The following HS3ST4 variants were observed in gnomAD, a reference collection of about 807,000 sequenced individuals.
HS3ST4 encodes heparan sulfate glucosamine 3-O-sulfotransferase 4.
HS3ST4 carries 17 observed loss-of-function variants against 29.2 expected under a neutral mutation model. The ratio of observed to expected loss-of-function variants is 0.58; its 90% CI spans 0.40 to 0.87. HS3ST4 has a LOEUF of 0.87. HS3ST4 is among the 40% of genes least tolerant of loss of function. The pLI, the probability that HS3ST4 is intolerant of heterozygous loss-of-function variation, is 0.00. For synonymous variants in HS3ST4, 314 were observed against 285.7 expected (o/e 1.10, Z -1.00); for missense variants, 627 against 634.5 (o/e 0.99, Z 0.13).
chr16:26,082,647 A>G (rs930720571), intron 1 of HS3ST4, among the ~76,000 whole-genome samples: 1 of 152,192 alleles, frequency 6.6e-6, no homozygotes, highest in African/African-American at 2.4e-5. Flanking sequence ...TGTTTAAATC[A>G]ATTAAAAATG....
chr16:25,926,426 G>A (rs1968403510), intron 1 of HS3ST4, among the ~76,000 whole-genome samples: 1 of 152,236 alleles, frequency 6.6e-6, no homozygotes, highest in South Asian at 2.1e-4. Context: ...CCTTGTTACT[G>A]TGGAGACCTC....
At chr16:26,018,435 C>T (rs1447982569) in intron 1 of HS3ST4, among the ~76,000 whole-genome samples, 6 of 152,244 alleles carry the variant, frequency 3.9e-5, no homozygotes, top group South Asian at 2.1e-4. Flanking sequence ...AGTCATGCAA[C>T]GAACATTTTT....
At chr16:26,062,087 G>C (rs1156251371) in intron 1 of HS3ST4, among the ~76,000 whole-genome samples, 1 of 152,096 alleles carries the variant, frequency 6.6e-6, no homozygotes, top group Non-Finnish European at 1.5e-5. Context: ...AAGTATGTGG[G>C]CTAAAAATGG....
chr16:25,814,754 G>A (rs927720240), intron 1 of HS3ST4, among the ~76,000 whole-genome samples: 4 of 152,170 alleles, frequency 2.6e-5, no homozygotes, highest in Non-Finnish European at 5.9e-5. Flanking sequence ...AACCACCATG[G>A]TACCCCATCT....
intron 1 of HS3ST4, among the ~76,000 whole-genome samples, chr16:25,770,266 CAT>C (rs1417135316): frequency 2.0e-5 from 3 of 152,100 alleles, no homozygotes; most frequent in Non-Finnish European, 4.4e-5. Flanking sequence ...AGAAAGAAAA[CAT>C]ATTCTCCTTT....
In HS3ST4 at chr16:25,840,219, C is replaced by A. The variant is rs138771473; in HGVS notation, c.734+147068C>A. Among the ~76,000 whole-genome samples the A allele has an allele frequency of 5.4e-3, 827 of 152,284 alleles. 12 individuals carry two copies. The highest frequency in any genetic ancestry group is 0.019 in the African/African-American group (785 of 41,548). ...TTCCTGTCGACAATTTTCCTTAAAT[C>A]TCTTTGACATAAATGTCCCAAAAAT... On this transcript the variant is annotated intron_variant, in intron 1 of 1. Transcript: ENST00000331351.
intron 1 of HS3ST4, among the ~76,000 whole-genome samples, chr16:25,835,564 C>T (rs751954337): frequency 2.1e-4 from 32 of 152,076 alleles, no homozygotes; most frequent in Non-Finnish European, 3.7e-4. Flanking sequence ...GAGAAAAATG[C>T]TTTACATGCA....
At chr16:26,030,809 G>T (rs1013364342) in intron 1 of HS3ST4, among the ~76,000 whole-genome samples, 3 of 152,176 alleles carry the variant, frequency 2.0e-5, no homozygotes, top group Non-Finnish European at 4.4e-5. Flanking sequence ...TACAAGCTAT[G>T]TCAGATTCCA....
intron 1 of HS3ST4, among the ~76,000 whole-genome samples, chr16:25,701,666 G>C (rs922419700): frequency 1.3e-5 from 2 of 152,098 alleles, no homozygotes; most frequent in African/African-American, 4.8e-5. Flanking sequence ...CTGTTATTTA[G>C]TTATTCATTC....
intron 1 of HS3ST4, among the ~76,000 whole-genome samples, chr16:25,744,362 TAATCA>T (rs1318225032): frequency 6.6e-6 from 1 of 152,236 alleles, no homozygotes; most frequent in Non-Finnish European, 1.5e-5. Flanking sequence ...GTACACTGGA[TAATCA>T]AATCAGCTTC....
chr16:25,993,152 T>C (rs1596638280), intron 1 of HS3ST4, among the ~76,000 whole-genome samples: 1 of 152,040 alleles, frequency 6.6e-6, no homozygotes, highest in Admixed American at 6.6e-5. Context: ...CAGGCTTGGG[T>C]CATCTGCTCA....
At chr16:25,889,534 G>A (rs1269502073) in intron 1 of HS3ST4, among the ~76,000 whole-genome samples, 3 of 152,138 alleles carry the variant, frequency 2.0e-5, no homozygotes, top group Non-Finnish European at 4.4e-5. Context: ...CTGAGGACTG[G>A]TATTCTTGAT....
chr16:25,831,326 G>A (rs1423190210), intron 1 of HS3ST4, among the ~76,000 whole-genome samples: 1 of 151,582 alleles, frequency 6.6e-6, no homozygotes, highest in Non-Finnish European at 1.5e-5. Flanking sequence ...ACCTTGGCAG[G>A]CCAAGTTGGG....
At chr16:25,730,468 CTCCT>C (rs1244398483) in intron 1 of HS3ST4, among the ~76,000 whole-genome samples, 66 of 138,130 alleles carry the variant, frequency 4.8e-4, no homozygotes, top group Admixed American at 1.4e-3. Context: ...TTCCTTCCTT[CTCCT>C]TCCTTCCTTC....
At chr16:25,958,418 G>A (rs1033970046) in intron 1 of HS3ST4, among the ~76,000 whole-genome samples, 1 of 150,964 alleles carries the variant, frequency 6.6e-6, no homozygotes, top group Admixed American at 6.6e-5. Flanking sequence ...TGCAACCTCT[G>A]CCTCCTGAAT....
At chr16:25,881,083 C>T (rs925285243) in intron 1 of HS3ST4, among the ~76,000 whole-genome samples, 7 of 152,124 alleles carry the variant, frequency 4.6e-5, no homozygotes, top group Admixed American at 2.0e-4. Flanking sequence ...GCCTTTTCAA[C>T]AATCATTGAA....
intron 1 of HS3ST4, among the ~76,000 whole-genome samples, chr16:25,964,171 A>T (rs866418526): frequency 8.0e-6 from 1 of 124,586 alleles, no homozygotes; most frequent in South Asian, 2.5e-4. Context: ...TTGAAACTCC[A>T]TCTCATAAAA....
chr16:25,858,224 T>C (rs575637918), intron 1 of HS3ST4, among the ~76,000 whole-genome samples: 61 of 152,150 alleles, frequency 4.0e-4, no homozygotes, highest in African/African-American at 1.4e-3. Flanking sequence ...TCTACACTTA[T>C]AAAATTATAC....
At chr16:25,753,287 AC>A (rs1454829486) in intron 1 of HS3ST4, among the ~76,000 whole-genome samples, 2 of 152,222 alleles carry the variant, frequency 1.3e-5, no homozygotes, top group African/African-American at 4.8e-5. Flanking sequence ...CGTTTGTCCA[AC>A]TTGAGACATT....
Sources: gnomAD v4.1 joint callset for allele counts (sites outside exome capture counted in the v4.1 genomes callset) on GRCh38, gnomAD v4.1.1 for gene constraint, MANE v1.5 for transcripts, NCBI Gene and HGNC (gene_info 2026-07-23, HGNC 2026-07-21) for gene names.